The following VEPH1 variants were observed in gnomAD, a reference collection of about 807,000 sequenced individuals.
VEPH1 encodes ventricular zone expressed PH domain containing 1, also known as ventricular zone-expressed PH domain-containing protein homolog 1.
A neutral mutation model predicts 85.2 loss-of-function variants in VEPH1; 80 were observed. That is an observed-to-expected ratio of 0.94 (90% CI 0.78 to 1.13). VEPH1 has a LOEUF of 1.13. Ranked by LOEUF, VEPH1 falls within the 50% of genes most tolerant of loss-of-function variation. The probability of loss-of-function intolerance (pLI) is 0.00; values close to 1 mark genes in which losing one functional copy is unlikely to be tolerated. For missense variants in VEPH1, 955 were observed against 980.5 expected (o/e 0.97, Z 0.35); for synonymous variants, 297 against 348.0 (o/e 0.85, Z 1.63).
At chr3:157,400,141 C>A (rs1436267978) in intron 6 of VEPH1, among the ~76,000 whole-genome samples, 1 of 152,022 alleles carries the variant, frequency 6.6e-6, no homozygotes, top group African/African-American at 2.4e-5. Flanking sequence ...TTTGTGGGCT[C>A]ATGGGAGAGT....
At position 157,261,386 on chromosome 3, in the gene VEPH1, A is replaced by G; in HGVS notation, c.2266-16T>C. The G allele has an allele frequency of 1.2e-6, 2 of 1,612,196 alleles. No homozygotes were observed. The highest frequency in any genetic ancestry group is 1.7e-6 in the Non-Finnish European group (2 of 1,178,870). On this transcript the variant is annotated splice_polypyrimidine_tract_variant and intron_variant, in intron 13 of 13. Transcript: ENST00000362010. ...GGTCATCTTTCTGAAAGGCATGGGA[A>G]GAAAAGAACATGGGCTGGCTGTTAC...
At chr3:157,329,081 G>A (rs12491904) in intron 9 of VEPH1, among the ~76,000 whole-genome samples, 46,564 of 152,054 alleles carry the variant, frequency 0.31, 7,424 homozygotes, top group South Asian at 0.45. Context: ...GTCGAAGAGG[G>A]ATTTAATTTA....
intron 7 of VEPH1, among the ~76,000 whole-genome samples, chr3:157,369,189 A>ACAAAC (rs1727156017): frequency 1.4e-5 from 2 of 143,184 alleles, no homozygotes; most frequent in East Asian, 4.2e-4. Context: ...TGAAAAAAAA[A>ACAAAC]AAAAAAAAAA....
chr3:157,285,171 GT>G (rs1312538622), intron 12 of VEPH1: 1 of 152,158 alleles, frequency 6.6e-6, no homozygotes, highest in African/African-American at 2.4e-5. Flanking sequence ...TAATTAGAAA[GT>G]TTTATAATGG....
intron 9 of VEPH1, among the ~76,000 whole-genome samples, chr3:157,344,397 G>C (rs888801626): frequency 1.3e-5 from 2 of 152,162 alleles, no homozygotes; most frequent in Non-Finnish European, 2.9e-5. Context: ...GACAAACAGA[G>C]AGCCAAATCA....
chr3:157,355,293 G>A lies in VEPH1; in HGVS notation c.1735+8071C>T, dbSNP rs117311272. ...AGTTGTATCCCCTGCCTACAGCAGCGTGCCTGGTACTGCCAGGTTCTCAAG... is the reference window on the plus strand; with the variant it reads ...AGTTGTATCCCCTGCCTACAGCAGCATGCCTGGTACTGCCAGGTTCTCAAG... On this transcript the variant is annotated intron_variant, in intron 9 of 13. Coordinates refer to ENST00000362010, the MANE Select transcript of VEPH1 (RefSeq NM_001167912.2). 2.8e-3 allele frequency among the ~76,000 whole-genome samples: 426 copies of A among 152,306 alleles called. 5 individuals are homozygous for A. In the East Asian group the frequency reaches 0.043, roughly 15 times the overall value.
At chr3:157,435,878 T>A (rs535050474) in intron 4 of VEPH1, among the ~76,000 whole-genome samples, 1 of 152,218 alleles carries the variant, frequency 6.6e-6, no homozygotes, top group African/African-American at 2.4e-5. Flanking sequence ...AATGTCCACA[T>A]AATACCAAGT....
intron 12 of VEPH1, among the ~76,000 whole-genome samples, chr3:157,272,333 T>C (rs1350279540): frequency 2.0e-5 from 3 of 151,324 alleles, no homozygotes; most frequent in African/African-American, 7.3e-5. Flanking sequence ...TCTCTCTCTT[T>C]CTTTCTTTCT....
chr3:157,340,504 A>T (rs1723426206), intron 9 of VEPH1, among the ~76,000 whole-genome samples: 1 of 152,178 alleles, frequency 6.6e-6, no homozygotes, highest in Non-Finnish European at 1.5e-5. Context: ...ATGAGGCTTG[A>T]GTAGGTAAAC....
chr3:157,331,414 TATG>T (rs1722492602), intron 9 of VEPH1, among the ~76,000 whole-genome samples: 1 of 152,218 alleles, frequency 6.6e-6, no homozygotes, highest in Non-Finnish European at 1.5e-5. Context: ...TGCGTATGCC[TATG>T]ATATTCTTTA....
intron 5 of VEPH1, among the ~76,000 whole-genome samples, chr3:157,423,521 A>G (rs1051188566): frequency 2.0e-5 from 3 of 152,188 alleles, no homozygotes; most frequent in Non-Finnish European, 4.4e-5. Context: ...CTGCTCTCCA[A>G]TATTCAAGAT....
intron 7 of VEPH1, among the ~76,000 whole-genome samples, chr3:157,367,833 A>G (rs192806492): frequency 1.8e-4 from 28 of 152,244 alleles, no homozygotes; most frequent in Admixed American, 1.6e-3. Context: ...AAACTTCAAA[A>G]CATATGAATT....
At position 157,447,115 on chromosome 3, in the gene VEPH1, C is replaced by T. The variant is rs114652222; in HGVS notation, c.529+13066G>A. 8.3e-3 allele frequency among the ~76,000 whole-genome samples: 1,261 copies of T among 152,248 alleles called. 7 individuals carry two copies. Among genetic ancestry groups the T allele is most frequent in the Middle Eastern group, 0.017 (5 of 294 alleles). On this transcript the variant is annotated intron_variant, in intron 4 of 13. Coordinates refer to ENST00000362010, the MANE Select transcript of VEPH1 (RefSeq NM_001167912.2). Reference sequence around the variant, plus strand: ...CTAAATAAGCAAGCAAACAAAAATACGAACAAATAAATGAATGTAAGGATT... The same window carrying T: ...CTAAATAAGCAAGCAAACAAAAATATGAACAAATAAATGAATGTAAGGATT...
intron 2 of VEPH1, among the ~76,000 whole-genome samples, chr3:157,471,959 C>T (rs943192758): frequency 3.3e-5 from 5 of 151,994 alleles, no homozygotes; most frequent in Non-Finnish European, 4.4e-5. Context: ...ACATAAACAT[C>T]GTACAAAAAT....
intron 11 of VEPH1, among the ~76,000 whole-genome samples, chr3:157,292,810 A>T (rs1717651209): frequency 1.7e-4 from 2 of 11,760 alleles, no homozygotes; most frequent in African/African-American, 8.6e-4. Flanking sequence ...CCTCTCTACT[A>T]AAAAAAAAAA....
Position 157,363,456 on chromosome 3 carries a change from T to C in VEPH1, c.1643A>G (p.Tyr548Cys), listed in dbSNP as rs1341378404. The C allele has an allele frequency of 6.2e-7, 1 of 1,613,924 alleles. No homozygotes were observed. The highest frequency in any genetic ancestry group is 8.5e-7 in the Non-Finnish European group (1 of 1,179,980). ...GCTGAGGTTTTTTTTTAAGTGCAAG[T>C]AGAGCTTATCTTGGTATTCTATAGG... ...ASPIEYQDKL[Y>C]LHLKKNLSKV... The change falls in exon 9 of 14, where the codon TAC becomes TGC. Residue 548 changes from tyrosine (Y) to cysteine (C), a missense_variant. By Grantham distance (194) the Tyr-to-Cys change is radical. Transcript: ENST00000362010.
intron 6 of VEPH1, among the ~76,000 whole-genome samples, chr3:157,395,968 G>C (rs1577557408): frequency 6.6e-6 from 1 of 152,280 alleles, no homozygotes; most frequent in East Asian, 1.9e-4. Context: ...TACATGTGCA[G>C]GATGTGCGGG....
intron 9 of VEPH1, among the ~76,000 whole-genome samples, chr3:157,332,530 A>C (rs549183611): frequency 6.6e-6 from 1 of 152,312 alleles, no homozygotes; most frequent in South Asian, 2.1e-4. Context: ...ACTTATTATG[A>C]TGTTTTCAAG....
intron 3 of VEPH1, among the ~76,000 whole-genome samples, chr3:157,464,867 A>G (rs1035840603): frequency 9.8e-5 from 15 of 152,350 alleles, no homozygotes; most frequent in African/African-American, 3.4e-4. Context: ...ATTAAACCTC[A>G]TTTATTAAAA....
Sources: gnomAD v4.1 joint callset for allele counts (sites outside exome capture counted in the v4.1 genomes callset) on GRCh38, gnomAD v4.1.1 for gene constraint, MANE v1.5 for transcripts, NCBI Gene and HGNC (gene_info 2026-07-23, HGNC 2026-07-21) for gene names.